Variants in ZBBX observed in about 807,000 individuals in gnomAD.
ZBBX encodes zinc finger B-box domain-containing protein 1.
Under a neutral mutation model 108.5 loss-of-function variants are expected in ZBBX, and 101 were observed. The observed-to-expected ratio is 0.93, with a 90% CI of 0.79 to 1.10. The LOEUF is 1.10. Among genes scored for constraint, ZBBX ranks in the 50% least tolerant of loss-of-function variants. The probability of loss-of-function intolerance (pLI) is 0.00; values close to 1 mark genes in which losing one functional copy is unlikely to be tolerated. For missense variants in ZBBX, 1,009 were observed against 941.4 expected, an observed-to-expected ratio of 1.07 and a Z score of -0.94; for synonymous variants, 356 against 323.4, an observed-to-expected ratio of 1.10 and a Z score of -1.08.
At chr3:167,288,147 T>G (rs981692734) in intron 19 of ZBBX, among the ~76,000 whole-genome samples, 1 of 152,144 alleles carries the variant, frequency 6.6e-6, no homozygotes, top group African/African-American at 2.4e-5. Flanking sequence ...CCTGAATTCA[T>G]TAGTTGTCTA....
At chr3:167,232,058 A>G in the ZBBX span, among the ~76,000 whole-genome samples, 1 of 151,836 alleles carries the variant, frequency 6.6e-6, no homozygotes, top group Non-Finnish European at 1.5e-5. Flanking sequence ...AAGAAAATAA[A>G]ATTCCATTTA....
intron 11 of ZBBX, among the ~76,000 whole-genome samples, chr3:167,322,978 T>C (rs977398780): frequency 6.6e-6 from 1 of 152,004 alleles, no homozygotes; most frequent in Non-Finnish European, 1.5e-5. Flanking sequence ...AATGATTAAC[T>C]GCCAGAAACA....
At chr3:167,222,535 C>T in the ZBBX span, among the ~76,000 whole-genome samples, 1 of 151,026 alleles carries the variant, frequency 6.6e-6, no homozygotes, top group Admixed American at 6.6e-5. Flanking sequence ...ACTATGTCAA[C>T]AATTTATTGT....
At chr3:167,189,093 C>T in the ZBBX span, among the ~76,000 whole-genome samples, 2 of 151,972 alleles carry the variant, frequency 1.3e-5, no homozygotes, top group Non-Finnish European at 2.9e-5. Context: ...TTGAGAATGC[C>T]TCTTTCTCAG....
intron 1 of ZBBX, chr3:167,401,489 T>G (rs1357900090): frequency 6.6e-6 from 1 of 152,182 alleles, no homozygotes; most frequent in African/African-American, 2.4e-5. Context: ...CCCGGAAGGC[T>G]GCTGGTTGCT....
In ZBBX at chr3:167,365,919, A is replaced by G. The variant is rs1377491411; in HGVS notation, c.240T>C (p.Tyr80=). The change falls in exon 6 of 22, where the codon TAT becomes TAC. Residue 80 remains tyrosine, a synonymous_variant. Coordinates refer to ENST00000675490, the MANE Select transcript of ZBBX (RefSeq NM_001199201.2). The stretch of plus-strand genomic sequence containing the variant: ...CATTTCCTTTATTTTGTGACATCAT[A>G]TATGATTGATTGACCAATTTGCCCA... ...GKVGKLVNQS[Y]MMSQNKGNVV... 1.9e-6 allele frequency: 3 copies of G among 1,609,478 alleles called. No individual in the cohort carries two copies. Among genetic ancestry groups the G allele is most frequent in the Middle Eastern group, 1.7e-4 (1 of 6,060 alleles).
At chr3:167,187,167 T>C in the ZBBX span, among the ~76,000 whole-genome samples, 405 of 152,268 alleles carry the variant, frequency 2.7e-3, 3 homozygotes, top group Admixed American at 4.3e-3. Flanking sequence ...ATCATTATAA[T>C]ATATAAGATA....
the ZBBX span, among the ~76,000 whole-genome samples, chr3:167,189,589 T>C: frequency 3.0e-3 from 457 of 152,332 alleles, 4 homozygotes; most frequent in African/African-American, 0.011. Flanking sequence ...CAATTCTTTT[T>C]CAGAATATTG....
chr3:167,351,358 T>C (rs974144925), intron 8 of ZBBX, among the ~76,000 whole-genome samples: 6 of 152,146 alleles, frequency 3.9e-5, no homozygotes, highest in Non-Finnish European at 7.3e-5. Flanking sequence ...TGGGTGTGCC[T>C]TTCTATAGAC....
chr3:167,238,293 GAC>G (rs1720313211), downstream of ZBBX, among the ~76,000 whole-genome samples: 1 of 152,032 alleles, frequency 6.6e-6, no homozygotes, highest in African/African-American at 2.4e-5. Flanking sequence ...ATGGGATTGT[GAC>G]AGAGGACATG....
chr3:167,405,890 T>C (rs1384376007), intron 1 of ZBBX, among the ~76,000 whole-genome samples: 2 of 151,932 alleles, frequency 1.3e-5, no homozygotes, highest in Non-Finnish European at 2.9e-5. Flanking sequence ...GCCAACATGG[T>C]GAAACCCCGT....
At chr3:167,352,915 A>G (rs980921700) in intron 8 of ZBBX, among the ~76,000 whole-genome samples, 1 of 152,200 alleles carries the variant, frequency 6.6e-6, no homozygotes, top group Non-Finnish European at 1.5e-5. Flanking sequence ...ATTTGATAAC[A>G]TTCAGCATCA....
At chr3:167,204,549 T>A in the ZBBX span, among the ~76,000 whole-genome samples, 1 of 149,614 alleles carries the variant, frequency 6.7e-6, no homozygotes, top group Non-Finnish European at 1.5e-5. Flanking sequence ...TTTTCATCCA[T>A]GTCCCTACAA....
Position 167,378,315 on chromosome 3 carries a change from T to C in ZBBX, c.-132+1323A>G, listed in dbSNP as rs200912741. On this transcript the variant is annotated intron_variant, in intron 2 of 21. Coordinates refer to ENST00000675490, the MANE Select transcript of ZBBX (RefSeq NM_001199201.2). ...TTTTATGCTCTATAGGCAGGTTCTC[T>C]TGAGAACAACTGAGAAACTTTGCCT... Among the ~76,000 whole-genome samples the C allele has an allele frequency of 3.8e-4, 58 of 152,300 alleles. 1 individual carries two copies. In the East Asian group the frequency reaches 0.011, roughly 28 times the overall value.
At chr3:167,248,905 C>T (rs1254206289) in intron 20 of ZBBX, among the ~76,000 whole-genome samples, 9 of 152,204 alleles carry the variant, frequency 5.9e-5, no homozygotes, top group Non-Finnish European at 1.2e-4. Context: ...ATGGCCGGCA[C>T]CTGCCAAGGT....
chr3:167,407,667 AT>A (rs1466398717), intron 1 of ZBBX, among the ~76,000 whole-genome samples: 4 of 152,108 alleles, frequency 2.6e-5, no homozygotes, highest in African/African-American at 9.7e-5. Flanking sequence ...AAGAAAAAAT[AT>A]GTTTATTATT....
chr3:167,375,683 T>G (rs1273759471), intron 2 of ZBBX, among the ~76,000 whole-genome samples: 4 of 151,954 alleles, frequency 2.6e-5, no homozygotes, highest in Non-Finnish European at 5.9e-5. Context: ...GATTGTGCAA[T>G]AGGAGCAACT....
the ZBBX span, among the ~76,000 whole-genome samples, chr3:167,217,012 A>G: frequency 6.6e-6 from 1 of 152,200 alleles, no homozygotes. Context: ...CAAAACCTAT[A>G]AAAATCCTAA....
At chr3:167,247,989 A>G in intron 20 of ZBBX, among the ~76,000 whole-genome samples, 1 of 152,056 alleles carries the variant, frequency 6.6e-6, no homozygotes. Context: ...CTCTTTCTTT[A>G]TAATGTTAAG....
Sources: gnomAD v4.1 joint callset for allele counts (sites outside exome capture counted in the v4.1 genomes callset) on GRCh38, gnomAD v4.1.1 for gene constraint, MANE v1.5 for transcripts, NCBI Gene and HGNC (gene_info 2026-07-23, HGNC 2026-07-21) for gene names.